DLEC1: variants seen among roughly 807,000 people sequenced by gnomAD.
The protein encoded by DLEC1 is deleted in lung and esophageal cancer protein 1.
Under a neutral mutation model 198.1 loss-of-function variants are expected in DLEC1, and 146 were observed. That is an observed-to-expected ratio of 0.74 (90% CI 0.64 to 0.85). The LOEUF (loss-of-function observed/expected upper bound fraction) is 0.85, where lower values mean the gene tolerates loss of function less well. DLEC1 is among the 40% of genes least tolerant of loss of function. The pLI, the probability that DLEC1 is intolerant of heterozygous loss-of-function variation, is 0.00. For missense variants in DLEC1, 2,233 were observed against 2,220.0 expected (o/e 1.01, Z -0.12); for synonymous variants, 897 against 866.8 (o/e 1.03, Z -0.61).
Position 38,063,821 on chromosome 3 carries a change from CCT to C in DLEC1, c.1095-17_1095-16del, listed in dbSNP as rs766549926. 16 of 1,602,184 alleles carry C rather than the reference CCT, an allele frequency of 1.0e-5. No homozygotes were observed. Among genetic ancestry groups the C allele is most frequent in the Middle Eastern group, 3.3e-4 (2 of 6,048 alleles). The stretch of plus-strand genomic sequence containing the variant: ...GGATGAAACTAACAGCCTTTCTCCC[CCT>C]CTTTTTTCATCCCACAGTTGTGCTG... On this transcript the variant is annotated intron_variant, in intron 5 of 36. Transcript: ENST00000308059.
chr3:38,052,938 C>T (rs547683672), intron 2 of DLEC1, among the ~76,000 whole-genome samples: 201 of 152,330 alleles, frequency 1.3e-3, no homozygotes, highest in African/African-American at 4.6e-3. Context: ...TGCAGGGGCG[C>T]GCCGCCACGC....
rs1237537804 is a variant in DLEC1 at position 38,097,275 on chromosome 3, G to A, written c.2434G>A (p.Glu812Lys). 6.3e-7 allele frequency: 1 copy of A among 1,575,506 alleles called. No individual in the cohort carries two copies. The highest frequency in any genetic ancestry group is 1.7e-4 in the Middle Eastern group (1 of 6,016). Residue 812 changes from glutamate to lysine, a missense_variant and splice_region_variant, in exon 16 of 37, where the codon GAG becomes AAG. Coordinates refer to ENST00000308059, the MANE Select transcript of DLEC1 (RefSeq NM_007335.4). ...AGTGGAGCCCGGCACAGGGGTCATA[G>A]GTACCTTGGGGACTGCAGGAGGGGT... is the stretch of plus-strand genomic sequence containing the variant. ...IEVEPGTGVIEPSEVGDFELN... is the reference protein window; with the variant it reads ...IEVEPGTGVIKPSEVGDFELN...
chr3:38,077,839 AG>A (rs550917554), intron 6 of DLEC1, among the ~76,000 whole-genome samples: 5 of 151,846 alleles, frequency 3.3e-5, no homozygotes, highest in African/African-American at 1.2e-4. Context: ...TAGGGAAGGG[AG>A]GGGGCCTGAA....
At chr3:38,076,506 T>G (rs961631897) in intron 6 of DLEC1, among the ~76,000 whole-genome samples, 2 of 151,550 alleles carry the variant, frequency 1.3e-5, no homozygotes, top group African/African-American at 4.9e-5. Flanking sequence ...AAGTACTCAG[T>G]GGGGGAGCTT....
chr3:38,053,917 CAT>C lies in DLEC1; in HGVS notation c.563-5824_563-5823del, dbSNP rs1180830256. ...ACCCCCAACCCCGTGCTCTCTGAAA[CAT>C]GTGCTGTTTCCACTCAGGGTTAAAT... On this transcript the variant is annotated intron_variant, in intron 2 of 36. Coordinates refer to ENST00000308059, the MANE Select transcript of DLEC1 (RefSeq NM_007335.4). Among the ~76,000 whole-genome samples the C allele has an allele frequency of 1.8e-4, 27 of 152,318 alleles. No homozygotes were observed. The East Asian group carries it at 4.4e-3, about 25-fold the overall frequency.
chr3:38,039,266 C>T lies in DLEC1; in HGVS notation c.41C>T (p.Ser14Phe). 1 of 1,613,642 alleles carries T rather than the reference C, an allele frequency of 6.2e-7. No homozygotes were observed. The highest frequency in any genetic ancestry group is 8.5e-7 in the Non-Finnish European group (1 of 1,179,698). Residue 14 changes from serine (S) to phenylalanine (F), a missense_variant, in exon 1 of 37, where the codon TCC becomes TTC. Transcript: ENST00000308059. ...TCCAAAACGCGGAGGTCTTTAGCGT[C>T]CCGGACCAACGAGTGCCAGGGGACA... ...RSSKTRRSLA[S>F]RTNECQGTMW...
intron 6 of DLEC1, 86 bp downstream of exon 6, chr3:38,064,005 T>TTA: frequency 1.8e-5 from 16 of 894,132 alleles, no homozygotes; most frequent in Non-Finnish European, 2.2e-5. Flanking sequence ...TCTTTTTTTT[T>TTA]TCTTTTTTTT....
At position 38,096,857 on chromosome 3, in the gene DLEC1, A is replaced by T. The variant is rs149968745; in HGVS notation, c.2340+120A>T. On this transcript the variant is annotated intron_variant, in intron 15 of 36. Transcript: ENST00000308059. ...CAGCCACTGCATGGAGGCTGAGGCC[A>T]TTCCCAGGGCTTTGAACCCAACTTG... 8.7e-6 allele frequency: 11 copies of T among 1,257,176 alleles called. No homozygotes were observed. The African/African-American group carries it at 1.5e-4, about 17-fold the overall frequency. 77.9% of individuals were successfully genotyped at this position (1,257,176 alleles called of 1,614,324 possible). A position where few individuals can be genotyped will look rare whatever the true frequency, so the allele number is the denominator to read the frequency against.
At chr3:38,090,373 T>A (rs1387684268) in intron 10 of DLEC1, among the ~76,000 whole-genome samples, 1 of 152,228 alleles carries the variant, frequency 6.6e-6, no homozygotes, top group African/African-American at 2.4e-5. Flanking sequence ...ACCCCCATTT[T>A]TTTCTTCACA....
intron 22 of DLEC1, 106 bp downstream of exon 22, chr3:38,109,668 C>G (rs1482697889): frequency 1.9e-6 from 3 of 1,557,356 alleles, no homozygotes; most frequent in Admixed American, 3.7e-5. Flanking sequence ...CCATCTGATT[C>G]CTGCAGGCAG....
chr3:38,112,388 C>CT lies in DLEC1; in HGVS notation c.3666+28dup, dbSNP rs1259260340. ...TAAGGGTACACAAGAGGGCAGTGGC[C>CT]TGGGGGGTGGAGAGTCTGCCCAGCC... On this transcript the variant is annotated intron_variant, in intron 25 of 36. Transcript: ENST00000308059. This position sits in a 1 kb window ranked among gnomAD's most constrained non-coding sequence, Gnocchi z 4.8. 1 of 1,610,314 alleles carries CT rather than the reference C, an allele frequency of 6.2e-7. No individual in the cohort carries two copies. Among genetic ancestry groups the CT allele is most frequent in the Non-Finnish European group, 8.5e-7 (1 of 1,177,118 alleles).
At chr3:38,043,054 G>A (rs1015716105) in intron 1 of DLEC1, among the ~76,000 whole-genome samples, 6 of 152,162 alleles carry the variant, frequency 3.9e-5, no homozygotes, top group African/African-American at 9.6e-5. Context: ...AGATAACCCC[G>A]TTGGCAGCTG....
intron 8 of DLEC1, 84 bp from the exon 9 acceptor site, chr3:38,086,157 G>A: frequency 6.6e-7 from 1 of 1,516,314 alleles, no homozygotes; most frequent in Non-Finnish European, 8.9e-7. Context: ...CTGATCTCTG[G>A]CTGTACCTCA....
Position 38,095,994 on chromosome 3 carries a change from C to T in DLEC1, c.2171+48C>T, listed in dbSNP as rs775850816. The T allele has an allele frequency of 2.5e-6, 4 of 1,607,742 alleles. No individual in the cohort carries two copies. The Admixed American group carries it at 5.0e-5, about 20-fold the overall frequency. ...TGAGAAGTGGGCAGCTGGGCCTTCCCCCACCTTGGGGGTTCTCCTGGGGAA... is the reference window on the plus strand; with the variant it reads ...TGAGAAGTGGGCAGCTGGGCCTTCCTCCACCTTGGGGGTTCTCCTGGGGAA... On this transcript the variant is annotated intron_variant, in intron 14 of 36. Coordinates refer to ENST00000308059, the MANE Select transcript of DLEC1 (RefSeq NM_007335.4).
In DLEC1 at chr3:38,110,211, C is replaced by T. The variant is rs558780034; in HGVS notation, c.3373C>T (p.Arg1125Trp). The change falls in exon 23 of 37, where the codon CGG becomes TGG. Residue 1125 changes from arginine (R) to tryptophan (W), a missense_variant. Transcript: ENST00000308059. Reference sequence around the variant, plus strand: ...CATTCTCACCAATCGCTCCCCAATACGGACCCGTTTCTCCCTCAAGTTTGA... The same window carrying T: ...CATTCTCACCAATCGCTCCCCAATATGGACCCGTTTCTCCCTCAAGTTTGA... ...QLILTNRSPI[R>W]TRFSLKFEYF... 94 of 1,614,186 alleles carry T rather than the reference C, an allele frequency of 5.8e-5. No individual in the cohort carries two copies. The highest frequency in any genetic ancestry group is 2.5e-4 in the Admixed American group (15 of 60,032).
chr3:38,082,500 C>G (rs888187045), intron 6 of DLEC1, among the ~76,000 whole-genome samples: 3 of 152,172 alleles, frequency 2.0e-5, no homozygotes, highest in African/African-American at 7.2e-5. Flanking sequence ...GTGTTCTTAA[C>G]CCTCCAGAAA....
Position 38,123,164 on chromosome 3 carries a change from C to T in DLEC1, c.*752C>T, listed in dbSNP as rs752080468. The T allele has an allele frequency of 1.3e-6, 2 of 1,584,346 alleles. No homozygotes were observed. The highest frequency in any genetic ancestry group is 2.7e-5 in the African/African-American group (2 of 74,346). On this transcript the variant is annotated 3_prime_UTR_variant, in exon 37 of 37. Coordinates refer to ENST00000308059, the MANE Select transcript of DLEC1 (RefSeq NM_007335.4). Reference sequence around the variant, plus strand: ...TAATTGGCTGGGCAAAGGCACCCACCAAATTACCTCCAGACCAGGCTGACC... The same window carrying T: ...TAATTGGCTGGGCAAAGGCACCCACTAAATTACCTCCAGACCAGGCTGACC...
intron 2 of DLEC1, among the ~76,000 whole-genome samples, chr3:38,050,112 A>T (rs1701043624): frequency 2.6e-5 from 4 of 151,800 alleles, no homozygotes. Flanking sequence ...TTCATCACCC[A>T]GGCTGGAGTG....
chr3:38,109,994 C>A, intron 22 of DLEC1, 105 bp from the exon 23 acceptor site: 1 of 1,300,556 alleles, frequency 7.7e-7, no homozygotes, highest in Non-Finnish European at 1.1e-6. Context: ...GAGGATGAAG[C>A]CTGGTGTCTG....
Sources: allele counts gnomAD v4.1 joint callset (sites outside exome capture counted in the v4.1 genomes callset), GRCh38; gene constraint gnomAD v4.1.1; non-coding constraint Gnocchi (gnomAD v3.1); transcripts MANE v1.5; gene names NCBI Gene and HGNC (gene_info 2026-07-23, HGNC 2026-07-21).